Variants in USH2A observed in about 807,000 individuals in gnomAD.
USH2A encodes Usher syndrome 2A (autosomal recessive, mild).
A neutral mutation model predicts 538.9 loss-of-function variants in USH2A; 443 were observed. The observed-to-expected ratio is 0.82, with a 90% CI of 0.76 to 0.89. USH2A has a LOEUF of 0.89. Among genes scored for constraint, USH2A ranks in the 40% least tolerant of loss-of-function variants. USH2A has a pLI of 0.00. For synonymous variants in USH2A, 2,413 were observed against 2,273.5 expected, an observed-to-expected ratio of 1.06 and a Z score of -1.75; for missense variants, 6,633 against 6,324.8, an observed-to-expected ratio of 1.05 and a Z score of -1.65.
At chr1:215,754,542 A>G (rs1571652507) in intron 58 of USH2A, among the ~76,000 whole-genome samples, 1 of 152,140 alleles carries the variant, frequency 6.6e-6, no homozygotes, top group Non-Finnish European at 1.5e-5. Context: ...AAAAACAAAT[A>G]CAATTTAGCC....
At chr1:215,889,235 G>C (rs1009232486) in intron 40 of USH2A, among the ~76,000 whole-genome samples, 181 bp from the exon 41 acceptor site, 1 of 152,080 alleles carries the variant, frequency 6.6e-6, no homozygotes, top group Non-Finnish European at 1.5e-5. Flanking sequence ...CATAAATTTT[G>C]CGTGTGAAAT....
intron 13 of USH2A, among the ~76,000 whole-genome samples, chr1:216,235,843 T>G (rs895823208): frequency 1.3e-5 from 2 of 152,146 alleles, no homozygotes; most frequent in African/African-American, 4.8e-5. Flanking sequence ...ACTCTCACCT[T>G]AAGGCAGAAA....
At chr1:215,724,176 C>T (rs1229646336) in intron 61 of USH2A, among the ~76,000 whole-genome samples, 1 of 151,478 alleles carries the variant, frequency 6.6e-6, no homozygotes, top group African/African-American at 2.4e-5. Context: ...TAATTTTACA[C>T]ACCATAGAAT....
At chr1:216,116,543 T>C (rs947980792) in intron 21 of USH2A, among the ~76,000 whole-genome samples, 1 of 152,088 alleles carries the variant, frequency 6.6e-6, no homozygotes, top group African/African-American at 2.4e-5. Flanking sequence ...AGTAACAATC[T>C]CAGTGGATCC....
intron 28 of USH2A, 35 bp downstream of exon 28, chr1:216,073,062 C>CATGT: frequency 6.2e-7 from 1 of 1,613,394 alleles, no homozygotes; most frequent in Non-Finnish European, 8.5e-7. Flanking sequence ...GAATAAGAGA[C>CATGT]ATGTAACATT....
Position 215,675,291 on chromosome 1 carries a change from G to T in USH2A, c.12620C>A (p.Ala4207Asp). The change falls in exon 63 of 72, where the codon GCC becomes GAC. Residue 4207 changes from alanine (A) to aspartate (D), a missense_variant. Physicochemically the swap from Ala to Asp is moderately radical, Grantham distance 126. Transcript: ENST00000307340. ...GKAWGNQTIQ[A>D]DEKIVFTEYN... The stretch of plus-strand genomic sequence containing the variant: ...TTCTGTGAAAACAATTTTCTCGTCG[G>T]CCTGGATTGTCTGATTTCCCCAAGC... 5.6e-6 allele frequency: 9 copies of T among 1,614,064 alleles called. No individual in the cohort carries two copies. The highest frequency in any genetic ancestry group is 7.6e-6 in the Non-Finnish European group (9 of 1,180,020).
At chr1:215,934,533 T>TA (rs1291083299) in intron 38 of USH2A, 83 bp downstream of exon 38, 1 of 1,418,064 alleles carries the variant, frequency 7.1e-7, no homozygotes, top group African/African-American at 1.4e-5. Flanking sequence ...AAAATACCTC[T>TA]AAAAATAAAC....
In USH2A at chr1:215,972,042, G is replaced by T. The variant is rs79248676; in HGVS notation, c.6806-1266C>A. The stretch of plus-strand genomic sequence containing the variant: ...TGTGTGAATGCCGAGTAGCTAAGAA[G>T]GTGATTCATCTGACGTCCGCCCCAG... On this transcript the variant is annotated intron_variant, in intron 35 of 71. Coordinates refer to ENST00000307340, the MANE Select transcript of USH2A (RefSeq NM_206933.4). Among the ~76,000 whole-genome samples, 1,290 of 152,264 alleles carry T rather than the reference G, an allele frequency of 8.5e-3. 24 individuals are homozygous for T. The highest frequency in any genetic ancestry group is 0.029 in the African/African-American group (1,207 of 41,560).
At chr1:215,770,437 T>C (rs1225555876) in intron 55 of USH2A, among the ~76,000 whole-genome samples, 1 of 151,996 alleles carries the variant, frequency 6.6e-6, no homozygotes, top group Non-Finnish European at 1.5e-5. Context: ...TAAAAGAATG[T>C]AGTTCAAACA....
chr1:216,180,498 C>T lies in USH2A; in HGVS notation c.4397-5016G>A, dbSNP rs146157246. On this transcript the variant is annotated intron_variant, in intron 20 of 71. Transcript: ENST00000307340. ...AATTAGTAGTATATCCAAATGAATA[C>T]ATTTAGACTTGCAAAATTTATGTAG... Among the ~76,000 whole-genome samples the T allele has an allele frequency of 2.2e-3, 337 of 152,134 alleles. 2 individuals are homozygous for T. The highest frequency in any genetic ancestry group is 3.5e-3 in the Non-Finnish European group (241 of 67,976).
intron 35 of USH2A, among the ~76,000 whole-genome samples, chr1:215,991,527 C>T (rs938111464): frequency 4.6e-5 from 7 of 152,088 alleles, no homozygotes; most frequent in African/African-American, 1.7e-4. Context: ...AACCATTGTA[C>T]CACAATTAAA....
chr1:216,169,771 T>C (rs2034243217), intron 21 of USH2A, among the ~76,000 whole-genome samples: 1 of 152,166 alleles, frequency 6.6e-6, no homozygotes, highest in African/African-American at 2.4e-5. Context: ...ACCATGTTCT[T>C]ACTCTTTCCT....
intron 58 of USH2A, among the ~76,000 whole-genome samples, chr1:215,756,574 A>G (rs1410046558): frequency 6.6e-6 from 1 of 152,164 alleles, no homozygotes; most frequent in East Asian, 1.9e-4. Context: ...ATCCAGCTTC[A>G]TTTTATTTTG....
chr1:216,403,909 G>T (rs984998363), intron 3 of USH2A, among the ~76,000 whole-genome samples: 3 of 152,028 alleles, frequency 2.0e-5, no homozygotes, highest in African/African-American at 4.8e-5. Flanking sequence ...TTAATAAGGG[G>T]ATCTTTCCCC....
chr1:216,097,116 C>G lies in USH2A; in HGVS notation c.4725G>C (p.Lys1575Asn), dbSNP rs1479987534. 6.2e-7 allele frequency: 1 copy of G among 1,613,994 alleles called. No individual in the cohort carries two copies. Among genetic ancestry groups the G allele is most frequent in the East Asian group, 2.2e-5 (1 of 44,876 alleles). ...NQEEYFALQLKKGRLYFLFDP... is the reference protein window; with the variant it reads ...NQEEYFALQLNKGRLYFLFDP... ...CAAAAAGAAAATAAAGACGTCCCTT[C>G]TTCAACTGAAGTGCAAAATACTCTT... is the stretch of plus-strand genomic sequence containing the variant. The change falls in exon 22 of 72, where the codon AAG becomes AAC. Residue 1575 changes from lysine to asparagine, a missense_variant. Coordinates refer to ENST00000307340, the MANE Select transcript of USH2A (RefSeq NM_206933.4).
intron 61 of USH2A, among the ~76,000 whole-genome samples, chr1:215,706,647 A>T (rs949459149): frequency 3.9e-5 from 6 of 152,186 alleles, no homozygotes; most frequent in Non-Finnish European, 7.3e-5. Context: ...TTGTGGCAGG[A>T]TATTGAGTTG....
At chr1:216,077,607 A>G (rs1214136669) in intron 27 of USH2A, among the ~76,000 whole-genome samples, 3 of 148,918 alleles carry the variant, frequency 2.0e-5, no homozygotes, top group Non-Finnish European at 4.5e-5. Flanking sequence ...GTACACACAT[A>G]TATTTCTTAT....
intron 21 of USH2A, among the ~76,000 whole-genome samples, chr1:216,163,141 A>C (rs1287459638): frequency 6.6e-6 from 1 of 151,860 alleles, no homozygotes; most frequent in Non-Finnish European, 1.5e-5. Context: ...TAGGTGTTTC[A>C]TATATATTTT....
chr1:216,346,697 C>A (rs374553229), intron 4 of USH2A, among the ~76,000 whole-genome samples: 54 of 151,424 alleles, frequency 3.6e-4, no homozygotes, highest in African/African-American at 1.1e-3. Flanking sequence ...TAAAATGGAA[C>A]CCTTAATTCC....
Sources: gnomAD v4.1 joint callset for allele counts (sites outside exome capture counted in the v4.1 genomes callset) on GRCh38, gnomAD v4.1.1 for gene constraint, MANE v1.5 for transcripts, NCBI Gene and HGNC (gene_info 2026-07-23, HGNC 2026-07-21) for gene names.